The following UBR1 variants were observed in gnomAD, a reference collection of about 807,000 sequenced individuals.
The protein encoded by UBR1 is E3 ubiquitin-protein ligase UBR1.
In UBR1, 102 loss-of-function variants were observed where a neutral mutation model predicts 242.1. The observed-to-expected ratio is 0.42, with a 90% CI of 0.36 to 0.50. The LOEUF (loss-of-function observed/expected upper bound fraction) is 0.50, where lower values mean the gene tolerates loss of function less well. UBR1 is among the 20% of genes least tolerant of loss of function. The pLI, the probability that UBR1 is intolerant of heterozygous loss-of-function variation, is 0.01. For missense variants in UBR1, 1,772 were observed against 2,101.8 expected (o/e 0.84, Z 3.07); for synonymous variants, 675 against 684.8 (o/e 0.99, Z 0.22).
chr15:43,101,898 G>A (rs1218096700), intron 1 of UBR1, among the ~76,000 whole-genome samples: 2 of 142,316 alleles, frequency 1.4e-5, no homozygotes, highest in African/African-American at 5.1e-5. Context: ...AACCCGGGAG[G>A]TAGAGGTTTC....
Position 43,067,925 on chromosome 15 carries a change from C to A in UBR1, c.771G>T (p.Gln257His). 6.2e-7 allele frequency: 1 copy of A among 1,613,952 alleles called. No individual in the cohort carries two copies. Among genetic ancestry groups the A allele is most frequent in the Non-Finnish European group, 8.5e-7 (1 of 1,179,998 alleles). Residue 257 changes from glutamine (Q) to histidine (H), a missense_variant, in exon 6 of 47, where the codon CAG (glutamine) becomes CAT (histidine). Gln to His is a conservative substitution (Grantham distance 24). Around this residue, in one of 3 missense-constraint regions of UBR1, gnomAD observed 734 missense variants for 893.3 expected, o/e 0.82. Coordinates refer to ENST00000290650, the MANE Select transcript of UBR1 (RefSeq NM_174916.3). ...CTTTGTCAATGGCAGTGGTATGCAA[C>A]TGGGCCTCTGCGAGCTCACAGTCAA... ...RALDCELAEAQLHTTAIDKEG... is the reference protein window; with the variant it reads ...RALDCELAEAHLHTTAIDKEG...
intron 46 of UBR1, among the ~76,000 whole-genome samples, chr15:42,948,630 C>T (rs908900810): frequency 6.6e-6 from 1 of 151,716 alleles, no homozygotes; most frequent in African/African-American, 2.4e-5. Context: ...AGGACATGAA[C>T]AGACACTTCT....
Position 42,945,446 on chromosome 15 carries a change from A to G in UBR1, c.5133T>C (p.Ser1711=), listed in dbSNP as rs775808301. The change falls in exon 47 of 47, where the codon TCT becomes TCC. Residue 1711 remains serine, a synonymous_variant. Transcript: ENST00000290650. The part of the protein sequence containing the change: ...GLKRGNPLHL[S]RERYRKLHLV... ...AATGGAGCTTCCGATACCGCTCACG[A>G]GATAAATGAAGGGGGTTGCCCCTCC... The G allele has an allele frequency of 4.3e-6, 7 of 1,614,166 alleles. No homozygotes were observed. The Admixed American group carries it at 1.0e-4, about 23-fold the overall frequency.
chr15:43,059,044 C>T, intron 9 of UBR1, 41 bp downstream of exon 9: 1 of 1,519,526 alleles, frequency 6.6e-7, no homozygotes, highest in Non-Finnish European at 9.1e-7. Context: ...CATAATCTTC[C>T]TTTGCTTCCT....
At chr15:43,068,313 T>C (rs955641646) in intron 5 of UBR1, among the ~76,000 whole-genome samples, 2 of 144,204 alleles carry the variant, frequency 1.4e-5, no homozygotes, top group African/African-American at 2.5e-5. Flanking sequence ...CTCAGCCTCC[T>C]AAGTATCTGA....
chr15:43,018,465 C>T (rs1845239176), intron 27 of UBR1, among the ~76,000 whole-genome samples: 1 of 152,206 alleles, frequency 6.6e-6, no homozygotes, highest in African/African-American at 2.4e-5. Context: ...TCTTGGCTCA[C>T]TGCAACCTGT....
intron 12 of UBR1, 34 bp downstream of exon 12, chr15:43,054,708 C>CA: frequency 6.2e-7 from 1 of 1,612,138 alleles, no homozygotes; most frequent in Non-Finnish European, 8.5e-7. Flanking sequence ...CTGAGTTTAA[C>CA]AGGTGCCCTC....
intron 6 of UBR1, among the ~76,000 whole-genome samples, chr15:43,063,333 C>T (rs140797659): frequency 1.3e-5 from 2 of 152,206 alleles, no homozygotes; most frequent in Admixed American, 6.5e-5. Flanking sequence ...CACAGCCCCA[C>T]GCTTTCCCAA....
chr15:43,065,652 C>T (rs1286216956), intron 6 of UBR1, among the ~76,000 whole-genome samples: 1 of 152,204 alleles, frequency 6.6e-6, no homozygotes, highest in African/African-American at 2.4e-5. Context: ...ATAACGGCTT[C>T]CAGCTCCATC....
chr15:42,960,535 G>T, intron 43 of UBR1, 110 bp downstream of exon 43: 1 of 1,100,206 alleles, frequency 9.1e-7, no homozygotes, highest in Non-Finnish European at 1.4e-6. Context: ...CAGGAACACT[G>T]TACTGAGTGA....
chr15:42,988,625 T>A, intron 35 of UBR1, 194 bp downstream of exon 35: 1 of 719,390 alleles, frequency 1.4e-6, no homozygotes, highest in Non-Finnish European at 2.3e-6. Context: ...ATGGCCACAA[T>A]CATAGTTAAA....
intron 35 of UBR1, among the ~76,000 whole-genome samples, chr15:42,987,229 G>C (rs1431460365): frequency 2.0e-5 from 3 of 152,234 alleles, no homozygotes; most frequent in Non-Finnish European, 2.9e-5. Context: ...ATGGGCTTAA[G>C]ATCAATGTAG....
chr15:42,978,613 T>C (rs1458966109), intron 37 of UBR1, among the ~76,000 whole-genome samples: 3 of 152,200 alleles, frequency 2.0e-5, no homozygotes, highest in Non-Finnish European at 4.4e-5. Flanking sequence ...ATTGTAGGTC[T>C]AGGTATTGGT....
At chr15:42,979,954 T>C (rs966174197) in intron 37 of UBR1, among the ~76,000 whole-genome samples, 8 of 152,204 alleles carry the variant, frequency 5.3e-5, no homozygotes, top group African/African-American at 1.7e-4. Flanking sequence ...AAAGTGATCA[T>C]AGGGCTCTGA....
At chr15:42,980,646 T>C (rs1195770772) in intron 37 of UBR1, among the ~76,000 whole-genome samples, 1 of 152,192 alleles carries the variant, frequency 6.6e-6, no homozygotes, top group African/African-American at 2.4e-5. Context: ...TCTCTCTCTG[T>C]TGCCCAGGCT....
At chr15:43,004,615 G>A (rs751122665) in intron 30 of UBR1, among the ~76,000 whole-genome samples, 34 of 152,222 alleles carry the variant, frequency 2.2e-4, no homozygotes, top group Non-Finnish European at 4.1e-4. Flanking sequence ...TCCTGACCGC[G>A]AGTGATCTGC....
chr15:43,105,907 G>A (rs745754724), intron 1 of UBR1, 35 bp downstream of exon 1: 2 of 1,601,980 alleles, frequency 1.2e-6, no homozygotes, highest in South Asian at 1.1e-5. Context: ...AGGGACCGGG[G>A]GGAGGACAAA....
intron 12 of UBR1, among the ~76,000 whole-genome samples, chr15:43,053,511 A>G (rs566689683): frequency 6.6e-6 from 1 of 152,378 alleles, no homozygotes; most frequent in Admixed American, 6.5e-5. Flanking sequence ...AATTTCAATT[A>G]CAATGGCTAT....
chr15:43,063,301 T>C (rs2033710725), intron 6 of UBR1, among the ~76,000 whole-genome samples: 1 of 152,206 alleles, frequency 6.6e-6, no homozygotes, highest in Admixed American at 6.5e-5. Context: ...GATCTTTCCG[T>C]TCCATATGAA....
Sources: gnomAD v4.1 joint callset for allele counts (sites outside exome capture counted in the v4.1 genomes callset) on GRCh38, gnomAD v4.1.1 for gene constraint, gnomAD v4.1.1 regional missense constraint, MANE v1.5 for transcripts, NCBI Gene and HGNC (gene_info 2026-07-23, HGNC 2026-07-21) for gene names.